GLRB: variants seen among roughly 807,000 people sequenced by gnomAD.
GLRB encodes the protein glycine receptor subunit beta.
GLRB carries 33 observed loss-of-function variants against 54.2 expected under a neutral mutation model. The ratio of observed to expected loss-of-function variants is 0.61; its 90% CI spans 0.46 to 0.81. GLRB has a LOEUF of 0.81. Among genes scored for constraint, GLRB ranks in the 40% least tolerant of loss-of-function variants. The probability of loss-of-function intolerance (pLI) is 0.00; values close to 1 mark genes in which losing one functional copy is unlikely to be tolerated. For missense variants in GLRB, 572 were observed against 584.6 expected, an observed-to-expected ratio of 0.98 and a Z score of 0.22; for synonymous variants, 209 against 208.2, an observed-to-expected ratio of 1.00 and a Z score of -0.03.
chr4:157,169,843 T>A (rs1737850817), intron 9 of GLRB, among the ~76,000 whole-genome samples: 1 of 152,116 alleles, frequency 6.6e-6, no homozygotes. Context: ...CGTGATTGGT[T>A]AAGTTCAGCC....
Position 157,113,077 on chromosome 4 carries a change from G to A in GLRB, c.123-7479G>A, listed in dbSNP as rs139651433. Among the ~76,000 whole-genome samples the A allele has an allele frequency of 2.0e-3, 308 of 152,034 alleles. 1 individual carries two copies. Among genetic ancestry groups the A allele is most frequent in the African/African-American group, 7.0e-3 (289 of 41,518 alleles). ...TAGAACACTAGTCTCTTGACTCTCAGAGAAGTGTTTTTCAATTATACCCAC... is the reference window on the plus strand; with the variant it reads ...TAGAACACTAGTCTCTTGACTCTCAAAGAAGTGTTTTTCAATTATACCCAC... On this transcript the variant is annotated intron_variant, in intron 2 of 9. Transcript: ENST00000264428.
At chr4:157,101,813 T>TTTTTG (rs1579198755) in intron 2 of GLRB, among the ~76,000 whole-genome samples, 1 of 104,342 alleles carries the variant, frequency 9.6e-6, no homozygotes, top group Non-Finnish European at 2.0e-5. Context: ...TTTTTTTTTT[T>TTTTTG]GGTGGGGGGG....
At position 157,157,739 on chromosome 4, in the gene GLRB, T is replaced by C. The variant is rs574386903; in HGVS notation, c.1197+4729T>C. ...CACATTTTCTTAATCCAGTCTATCA[T>C]TGATGGACATATGGGTTGGTTCCAA... On this transcript the variant is annotated intron_variant, in intron 9 of 9. Coordinates refer to ENST00000264428, the MANE Select transcript of GLRB (RefSeq NM_000824.5). Among the ~76,000 whole-genome samples the C allele has an allele frequency of 1.6e-3, 240 of 152,326 alleles. 1 individual carries two copies. Among genetic ancestry groups the C allele is most frequent in the African/African-American group, 5.5e-3 (228 of 41,580 alleles).
chr4:157,093,884 T>G (rs1291135341), intron 2 of GLRB, among the ~76,000 whole-genome samples: 1 of 152,074 alleles, frequency 6.6e-6, no homozygotes, highest in African/African-American at 2.4e-5. Flanking sequence ...AAAATTTAGA[T>G]ACAGGCATTT....
chr4:157,154,542 C>T (rs2126606814), intron 9 of GLRB, among the ~76,000 whole-genome samples: 1 of 151,502 alleles, frequency 6.6e-6, no homozygotes, highest in Non-Finnish European at 1.5e-5. Context: ...ATTCTCCTGC[C>T]TCAGCCTCCC....
chr4:157,100,718 C>A (rs1734987908), intron 2 of GLRB, among the ~76,000 whole-genome samples: 2 of 151,996 alleles, frequency 1.3e-5, no homozygotes, highest in Non-Finnish European at 2.9e-5. Context: ...CAAACAGAAA[C>A]CAGTTGGGAA....
intron 2 of GLRB, among the ~76,000 whole-genome samples, chr4:157,098,925 TA>T (rs1284612006): frequency 6.6e-6 from 1 of 151,930 alleles, no homozygotes; most frequent in Non-Finnish European, 1.5e-5. Flanking sequence ...ACTTTTTTCA[TA>T]AAAGGAGAAT....
chr4:157,123,072 A>G (rs545631000), intron 4 of GLRB, among the ~76,000 whole-genome samples: 8 of 151,834 alleles, frequency 5.3e-5, no homozygotes, highest in Admixed American at 1.3e-4. Flanking sequence ...ATATTAGTAG[A>G]TTTCCTAAGC....
chr4:157,084,248 T>TA (rs1734327485), intron 2 of GLRB, among the ~76,000 whole-genome samples: 1 of 152,174 alleles, frequency 6.6e-6, no homozygotes, highest in South Asian at 2.1e-4. Flanking sequence ...CCACTACCGT[T>TA]AGAGAAACTT....
At chr4:157,097,172 A>C (rs998127738) in intron 2 of GLRB, among the ~76,000 whole-genome samples, 1 of 152,208 alleles carries the variant, frequency 6.6e-6, no homozygotes, top group African/African-American at 2.4e-5. Flanking sequence ...GCTTAGCCAA[A>C]TCATATATTG....
chr4:157,092,778 T>C (rs1279420163), intron 2 of GLRB, among the ~76,000 whole-genome samples: 1 of 152,170 alleles, frequency 6.6e-6, no homozygotes, highest in African/African-American at 2.4e-5. Flanking sequence ...AGAGTGTTTG[T>C]ATAGCTTTCT....
At chr4:157,077,206 T>C (rs1260111483) in intron 1 of GLRB, among the ~76,000 whole-genome samples, 1 of 152,150 alleles carries the variant, frequency 6.6e-6, no homozygotes. Flanking sequence ...AAGAATATGG[T>C]TCTGATTTGA....
chr4:157,136,398 T>C (rs1736399106), intron 4 of GLRB, 71 bp from the exon 5 acceptor site: 1 of 885,124 alleles, frequency 1.1e-6, no homozygotes, highest in Non-Finnish European at 1.9e-6. Flanking sequence ...ACCCTTTTTG[T>C]TTTGGGGCCG....
At chr4:157,106,109 G>A (rs1397786578) in intron 2 of GLRB, among the ~76,000 whole-genome samples, 1 of 152,048 alleles carries the variant, frequency 6.6e-6, no homozygotes, top group African/African-American at 2.4e-5. Flanking sequence ...GCTATTGTTT[G>A]TTTTGGGAAA....
At chr4:157,146,891 G>T (rs1473434700) in intron 8 of GLRB, among the ~76,000 whole-genome samples, 1 of 152,006 alleles carries the variant, frequency 6.6e-6, no homozygotes, top group Non-Finnish European at 1.5e-5. Context: ...GGTATTTGTA[G>T]GTATCTTGAA....
At chr4:157,084,644 A>AT (rs984193959) in intron 2 of GLRB, 10 of 455,850 alleles carry the variant, frequency 2.2e-5, no homozygotes, top group East Asian at 2.1e-4. Flanking sequence ...TGCCGTTATG[A>AT]TTTTTTTTGT....
chr4:157,094,516 TA>T (rs1734734331), intron 2 of GLRB, among the ~76,000 whole-genome samples: 1 of 152,194 alleles, frequency 6.6e-6, no homozygotes, highest in Non-Finnish European at 1.5e-5. Flanking sequence ...GTTGAGAATA[TA>T]CAAATAACTT....
chr4:157,139,147 A>G (rs147337248), intron 7 of GLRB, among the ~76,000 whole-genome samples, 198 bp downstream of exon 7: 11 of 152,268 alleles, frequency 7.2e-5, no homozygotes, highest in East Asian at 5.8e-4. Context: ...ATTATTAGAT[A>G]GACATGCTTG....
intron 2 of GLRB, among the ~76,000 whole-genome samples, chr4:157,095,590 T>A (rs1168435328): frequency 6.6e-6 from 1 of 151,984 alleles, no homozygotes; most frequent in Non-Finnish European, 1.5e-5. Context: ...ATCTGAGAAG[T>A]GACTGGGAAT....
Sources: allele counts gnomAD v4.1 joint callset (sites outside exome capture counted in the v4.1 genomes callset), GRCh38; gene constraint gnomAD v4.1.1; transcripts MANE v1.5; gene names NCBI Gene and HGNC (gene_info 2026-07-23, HGNC 2026-07-21).